Variants in TNC observed in about 807,000 individuals in gnomAD.
The protein encoded by TNC is tenascin.
In TNC, 109 loss-of-function variants were observed where a neutral mutation model predicts 202.4. The ratio of observed to expected loss-of-function variants is 0.54; its 90% CI spans 0.46 to 0.63. The LOEUF (loss-of-function observed/expected upper bound fraction) is 0.63. Among genes scored for constraint, TNC ranks in the 30% least tolerant of loss-of-function variants. The pLI, the probability that TNC is intolerant of heterozygous loss-of-function variation, is 0.00. For synonymous variants in TNC, 1,007 were observed against 1,089.7 expected, an observed-to-expected ratio of 0.92 and a Z score of 1.50; for missense variants, 2,756 against 2,833.3, an observed-to-expected ratio of 0.97 and a Z score of 0.62.
rs754190580 is a variant in TNC at position 115,026,648 on chromosome 9, G to A, written c.6217C>T (p.Arg2073Trp). Residue 2073 changes from arginine to tryptophan, a missense_variant, in exon 26 of 28, where the codon CGG becomes TGG. This residue lies in a region of TNC where 197 missense variants were observed against 287.3 expected (regional missense o/e 0.69). Transcript: ENST00000350763. Reference sequence around the variant, plus strand: ...TCCCCATGGTCCCGCAGGTCCACCCGGAGCTCGTACTGCCCCTGGGCTGTG... The same window carrying A: ...TCCCCATGGTCCCGCAGGTCCACCCAGAGCTCGTACTGCCCCTGGGCTGTG... The part of the protein sequence containing the change: ...KITAQGQYEL[R>W]VDLRDHGETA... 3.7e-6 allele frequency: 6 copies of A among 1,613,870 alleles called. No homozygotes were observed. The highest frequency in any genetic ancestry group is 3.3e-5 in the South Asian group (3 of 91,050).
chr9:115,112,729 GT>G, intron 1 of TNC: 1 of 152,788 alleles, frequency 6.5e-6, no homozygotes, highest in Non-Finnish European at 1.5e-5. Flanking sequence ...TGGTGGGTCC[GT>G]TTTTGGGGAA....
rs750180464 is a variant in TNC at position 115,031,543 on chromosome 9, G to A, written c.5920+10C>T. The A allele has an allele frequency of 3.9e-6, 6 of 1,542,422 alleles. No individual in the cohort carries two copies. The highest frequency in any genetic ancestry group is 5.2e-6 in the Non-Finnish European group (6 of 1,144,466). The stretch of plus-strand genomic sequence containing the variant: ...ATCTCAAGGCTGGATGGCACCCTGG[G>A]CCTCCTTACTTGTGGTGAAGATGGT... On this transcript the variant is annotated intron_variant, in intron 23 of 27. Coordinates refer to ENST00000350763, the MANE Select transcript of TNC (RefSeq NM_002160.4).
chr9:115,087,380 T>A, intron 2 of TNC, 107 bp from the exon 3 acceptor site: 1 of 1,089,882 alleles, frequency 9.2e-7, no homozygotes, highest in Non-Finnish European at 1.3e-6. Flanking sequence ...GGTTGCACCC[T>A]CAGGCTCCAT....
At chr9:115,033,017 C>A (rs1830063291) in intron 22 of TNC, among the ~76,000 whole-genome samples, 1 of 152,192 alleles carries the variant, frequency 6.6e-6, no homozygotes, top group Admixed American at 6.5e-5. Context: ...GGCAGTCATG[C>A]ATCAGTGCAG....
chr9:115,047,260 A>G (rs961284929), intron 16 of TNC, among the ~76,000 whole-genome samples: 6 of 78,622 alleles, frequency 7.6e-5, no homozygotes, highest in Non-Finnish European at 1.3e-4. Flanking sequence ...TTTTTTTTGC[A>G]TTCTTTCTTG....
At chr9:115,035,511 A>C in intron 21 of TNC, 177 bp from the exon 22 acceptor site, 1 of 597,140 alleles carries the variant, frequency 1.7e-6, no homozygotes, top group Non-Finnish European at 2.8e-6. Context: ...TCCAAAGACA[A>C]ATTCTCTATG....
At position 115,031,541 on chromosome 9, in the gene TNC, G is replaced by T. The variant is rs1312554563; in HGVS notation, c.5920+12C>A. 6.5e-7 allele frequency: 1 copy of T among 1,539,486 alleles called. No homozygotes were observed. Among genetic ancestry groups the T allele is most frequent in the Admixed American group, 2.1e-5 (1 of 47,210 alleles). ...AGATCTCAAGGCTGGATGGCACCCT[G>T]GGCCTCCTTACTTGTGGTGAAGATG... On this transcript the variant is annotated intron_variant, in intron 23 of 27. Coordinates refer to ENST00000350763, the MANE Select transcript of TNC (RefSeq NM_002160.4).
At chr9:115,062,768 G>T in intron 13 of TNC, 149 bp downstream of exon 13, 1 of 830,810 alleles carries the variant, frequency 1.2e-6, no homozygotes, top group Non-Finnish European at 1.8e-6. Flanking sequence ...CTAGTGAGGT[G>T]GAATTCCAAC....
chr9:115,046,318 T>A, intron 17 of TNC, 92 bp downstream of exon 17: 1 of 1,439,086 alleles, frequency 6.9e-7, no homozygotes, highest in Non-Finnish European at 9.5e-7. Flanking sequence ...CCAGCCTGCC[T>A]GCATCCAAAG....
chr9:115,066,106 T>G (rs1256381476), intron 10 of TNC, among the ~76,000 whole-genome samples: 1 of 152,086 alleles, frequency 6.6e-6, no homozygotes, highest in Non-Finnish European at 1.5e-5. Context: ...TTTGAAAAAC[T>G]GTTCCTTAAT....
At chr9:115,106,213 G>A (rs893460615) in intron 1 of TNC, among the ~76,000 whole-genome samples, 2 of 152,110 alleles carry the variant, frequency 1.3e-5, no homozygotes, top group Non-Finnish European at 2.9e-5. Context: ...TACCAACTCT[G>A]GGAATTAGGG....
chr9:115,042,455 G>T, intron 17 of TNC, 114 bp from the exon 18 acceptor site: 1 of 1,422,176 alleles, frequency 7.0e-7, no homozygotes. Context: ...TTGTGTCTGA[G>T]CCAAGCCTTT....
intron 1 of TNC, among the ~76,000 whole-genome samples, chr9:115,113,091 G>A (rs1260039896): frequency 6.6e-6 from 1 of 152,176 alleles, no homozygotes; most frequent in African/African-American, 2.4e-5. Flanking sequence ...TTTTCAAGAG[G>A]TGAAGCCTGA....
intron 2 of TNC, among the ~76,000 whole-genome samples, chr9:115,089,040 C>T (rs1049475842): frequency 6.6e-6 from 1 of 152,182 alleles, no homozygotes; most frequent in Non-Finnish European, 1.5e-5. Context: ...TTTCATTAGA[C>T]AGCACTGCTC....
chr9:115,051,594 A>G (rs1831673197), intron 15 of TNC, among the ~76,000 whole-genome samples: 1 of 151,576 alleles, frequency 6.6e-6, no homozygotes, highest in South Asian at 2.1e-4. Context: ...ATCAAAAGAA[A>G]AAAAGGAGAC....
At chr9:115,030,143 C>T in intron 24 of TNC, 111 bp downstream of exon 24, 2 of 1,168,424 alleles carry the variant, frequency 1.7e-6, no homozygotes, top group Admixed American at 2.3e-5. Flanking sequence ...AGGCCTCACA[C>T]ATGGGGGTGT....
chr9:115,084,199 G>C lies in TNC; in HGVS notation c.2131+10C>G, dbSNP rs1381786213. 1.9e-6 allele frequency: 3 copies of C among 1,612,104 alleles called. No individual in the cohort carries two copies. The highest frequency in any genetic ancestry group is 2.2e-5 in the East Asian group (1 of 44,872). ...AGGTGAGGCTGCCCAAAAGAGTTCT[G>C]CTCACTCACACGTGGCCACCCTGGC... is the stretch of plus-strand genomic sequence containing the variant. On this transcript the variant is annotated intron_variant, in intron 4 of 27. Transcript: ENST00000350763.
intron 1 of TNC, among the ~76,000 whole-genome samples, chr9:115,099,791 C>T (rs1310036364): frequency 2.6e-5 from 4 of 152,160 alleles, no homozygotes; most frequent in African/African-American, 9.7e-5. Context: ...TAACAGAAGG[C>T]TAGTCTCTGA....
chr9:115,111,925 GTCCAACACAGACAATAA>G (rs1355050464), intron 1 of TNC, among the ~76,000 whole-genome samples: 9 of 152,056 alleles, frequency 5.9e-5, no homozygotes, highest in Non-Finnish European at 1.3e-4. Context: ...CATCAACCCT[GTCCAACACAGACAATAA>G]CCTCATGAGA....
Sources: allele counts gnomAD v4.1 joint callset (sites outside exome capture counted in the v4.1 genomes callset), GRCh38; gene constraint gnomAD v4.1.1; regional missense constraint gnomAD v4.1.1; transcripts MANE v1.5; gene names NCBI Gene and HGNC (gene_info 2026-07-23, HGNC 2026-07-21).